Variants in KATNIP observed in about 807,000 individuals in gnomAD.
KATNIP encodes the protein katanin interacting protein, also known as katanin-interacting protein.
A neutral mutation model predicts 174.0 loss-of-function variants in KATNIP; 126 were observed. That is an observed-to-expected ratio of 0.72 (90% CI 0.63 to 0.84). The LOEUF (loss-of-function observed/expected upper bound fraction) is 0.84. Ranked by LOEUF, KATNIP falls within the 40% of genes least tolerant of loss-of-function variation. The pLI is 0.00. For synonymous variants in KATNIP, 810 were observed against 835.7 expected (o/e 0.97, Z 0.53); for missense variants, 1,958 against 2,109.7 (o/e 0.93, Z 1.41).
intron 2 of KATNIP, among the ~76,000 whole-genome samples, chr16:27,593,761 G>A (rs1209391979): frequency 6.6e-6 from 1 of 152,106 alleles, no homozygotes; most frequent in African/African-American, 2.4e-5. Flanking sequence ...TTCTACCTTG[G>A]CCTTCCAAAG....
intron 1 of KATNIP, among the ~76,000 whole-genome samples, chr16:27,573,312 C>T (rs1596760021): frequency 1.3e-5 from 2 of 152,252 alleles, no homozygotes; most frequent in African/African-American, 4.8e-5. Flanking sequence ...GCATTCGAAA[C>T]AGCATATTTA....
At chr16:27,701,471 C>G in intron 10 of KATNIP, 118 bp from the exon 11 acceptor site, 1 of 706,308 alleles carries the variant, frequency 1.4e-6, no homozygotes, top group Middle Eastern at 4.1e-4. Context: ...ATTCCTGTTC[C>G]TGTTTTCTAC....
chr16:27,704,122 G>A (rs1050060724), intron 12 of KATNIP, 124 bp downstream of exon 12: 9 of 671,162 alleles, frequency 1.3e-5, no homozygotes, highest in South Asian at 3.7e-5. Flanking sequence ...TGTTTCCACC[G>A]CCCCCCCCCT....
At chr16:27,734,534 A>T (rs920110784) in intron 14 of KATNIP, among the ~76,000 whole-genome samples, 1 of 151,954 alleles carries the variant, frequency 6.6e-6, no homozygotes, top group Non-Finnish European at 1.5e-5. Flanking sequence ...CCCCATCTCT[A>T]CTAAAAATAC....
chr16:27,721,695 CGTAA>C lies in KATNIP; in HGVS notation c.1743+5_1743+8del, dbSNP rs1209173872. On this transcript the variant is annotated splice_donor_variant and splice_donor_region_variant and intron_variant, in intron 14 of 27. Coordinates refer to ENST00000261588, the MANE Select transcript of KATNIP (RefSeq NM_015202.5). LOFTEE classifies it high-confidence loss of function. ...TTCGGAATTACTGGACAGCTGATGG[CGTAA>C]GTAACAGGCGCTGGTTCCCCACTGG... 5 of 1,613,424 alleles carry C rather than the reference CGTAA, an allele frequency of 3.1e-6. No homozygotes were observed. Among genetic ancestry groups the C allele is most frequent in the Non-Finnish European group, 4.2e-6 (5 of 1,179,836 alleles).
At chr16:27,594,386 C>T (rs547351139) in intron 2 of KATNIP, among the ~76,000 whole-genome samples, 27 of 152,178 alleles carry the variant, frequency 1.8e-4, no homozygotes, top group African/African-American at 5.8e-4. Flanking sequence ...CCGTGACTCA[C>T]GTCTGGCCAG....
At chr16:27,696,002 T>C (rs1307958730) in intron 8 of KATNIP, among the ~76,000 whole-genome samples, 1 of 152,236 alleles carries the variant, frequency 6.6e-6, no homozygotes, top group Non-Finnish European at 1.5e-5. Flanking sequence ...CTTTTCTTTT[T>C]AGAGCGTCAT....
chr16:27,619,824 C>T (rs1293574968), intron 3 of KATNIP, among the ~76,000 whole-genome samples: 1 of 152,186 alleles, frequency 6.6e-6, no homozygotes, highest in Non-Finnish European at 1.5e-5. Context: ...CTGTGCCCAG[C>T]AGCTCTGTGC....
At chr16:27,573,452 C>A (rs2090377079) in intron 1 of KATNIP, among the ~76,000 whole-genome samples, 1 of 152,264 alleles carries the variant, frequency 6.6e-6, no homozygotes, top group South Asian at 2.1e-4. Context: ...CACTAATTCA[C>A]ATCTGCACTG....
rs963582261 is a variant in KATNIP at position 27,696,049 on chromosome 16, A to G, written c.941-2279A>G. On this transcript the variant is annotated intron_variant, in intron 8 of 27. Coordinates refer to ENST00000261588, the MANE Select transcript of KATNIP (RefSeq NM_015202.5). ...GGGTGGGTGTACCATAATTTATTAG[A>G]TGCTTAGTTTTATTAGGTGCTTCTT... Among the ~76,000 whole-genome samples the G allele has an allele frequency of 7.2e-5, 11 of 152,306 alleles. No individual in the cohort carries two copies. In the South Asian group the frequency reaches 2.3e-3, roughly 32 times the overall value.
intron 1 of KATNIP, among the ~76,000 whole-genome samples, chr16:27,568,737 A>G (rs1596742679): frequency 6.6e-6 from 1 of 152,354 alleles, no homozygotes; most frequent in East Asian, 1.9e-4. Context: ...TGCTGGGATT[A>G]CAGGTGTGAG....
At chr16:27,721,473 T>A in intron 13 of KATNIP, 85 bp from the exon 14 acceptor site, 1 of 1,549,930 alleles carries the variant, frequency 6.5e-7, no homozygotes, top group Non-Finnish European at 8.9e-7. Context: ...CTCCTGGTTT[T>A]CGTGAGCCAA....
chr16:27,769,762 T>G (rs2082236290), intron 20 of KATNIP, 99 bp from the exon 21 acceptor site: 1 of 1,432,516 alleles, frequency 7.0e-7, no homozygotes, highest in Non-Finnish European at 9.6e-7. Flanking sequence ...AGGCTCCCCA[T>G]GGTGAGCACA....
chr16:27,571,115 T>G (rs1412806954), intron 1 of KATNIP, among the ~76,000 whole-genome samples: 2 of 152,132 alleles, frequency 1.3e-5, no homozygotes. Flanking sequence ...TCACTGCAAC[T>G]TCTGCCTCCG....
intron 15 of KATNIP, among the ~76,000 whole-genome samples, chr16:27,746,559 T>C (rs1035354474): frequency 6.6e-6 from 1 of 152,202 alleles, no homozygotes; most frequent in African/African-American, 2.4e-5. Flanking sequence ...GTCCATCCCT[T>C]CACTGGCATT....
In KATNIP at chr16:27,751,754, A is replaced by C; in HGVS notation, c.3382A>C (p.Thr1128Pro). ...EHFGDTILFT[T>P]DDDILEAIFY... ...CTTTGGAGACACGATCTTATTCACA[A>C]CCGATGATGACATTCTCGAGGCCAT... The change falls in exon 17 of 28, where the codon ACC becomes CCC. Residue 1128 changes from threonine to proline, a missense_variant. Physicochemically the swap from Thr to Pro is conservative, Grantham distance 38 (BLOSUM62 -1). Transcript: ENST00000261588. The C allele has an allele frequency of 6.2e-7, 1 of 1,614,220 alleles. No homozygotes were observed. The highest frequency in any genetic ancestry group is 1.3e-5 in the African/African-American group (1 of 75,042).
intron 5 of KATNIP, among the ~76,000 whole-genome samples, chr16:27,641,393 C>T (rs1019594261): frequency 1.4e-4 from 22 of 152,100 alleles, no homozygotes; most frequent in African/African-American, 5.3e-4. Flanking sequence ...CACCCTGCTA[C>T]CACATCTCTT....
intron 8 of KATNIP, among the ~76,000 whole-genome samples, chr16:27,693,466 G>A (rs1179413621): frequency 6.6e-6 from 1 of 152,066 alleles, no homozygotes; most frequent in Non-Finnish European, 1.5e-5. Flanking sequence ...TCGACTTACT[G>A]CAACTTCTGC....
At chr16:27,629,271 G>A (rs1227698073) in intron 4 of KATNIP, among the ~76,000 whole-genome samples, 2 of 151,974 alleles carry the variant, frequency 1.3e-5, no homozygotes, top group African/African-American at 2.4e-5. Context: ...GCATAAGAAT[G>A]AGAAAGAGAA....
Sources: allele counts gnomAD v4.1 joint callset (sites outside exome capture counted in the v4.1 genomes callset), GRCh38; gene constraint gnomAD v4.1.1; transcripts MANE v1.5; gene names NCBI Gene and HGNC (gene_info 2026-07-23, HGNC 2026-07-21).